Variants in CYBRD1 observed in about 807,000 individuals in gnomAD.
The protein encoded by CYBRD1 is cytochrome b reductase 1, also known as plasma membrane ascorbate-dependent reductase CYBRD1.
In CYBRD1, 14 loss-of-function variants were observed where a neutral mutation model predicts 21.9. That is an observed-to-expected ratio of 0.64 (90% CI 0.42 to 1.00). The LOEUF is 1.00. Ranked by LOEUF, CYBRD1 falls within the 50% of genes least tolerant of loss-of-function variation. The pLI is 0.00. For synonymous variants in CYBRD1, 146 were observed against 136.5 expected (o/e 1.07, Z -0.48); for missense variants, 328 against 352.5 (o/e 0.93, Z 0.56).
chr2:171,545,384 G>GT lies in CYBRD1; in HGVS notation c.402+3603dup, dbSNP rs898353901. Among the ~76,000 whole-genome samples, 140 of 34,874 alleles carry GT rather than the reference G, an allele frequency of 4.0e-3. 2 individuals carry two copies. The highest frequency in any genetic ancestry group is 0.025 in the South Asian group (23 of 918). 22.9% of individuals were successfully genotyped at this position (34,874 alleles called of 152,430 possible). On this transcript the variant is annotated intron_variant, in intron 2 of 3. Transcript: ENST00000321348. Reference sequence around the variant, plus strand: ...CTGCTGAGATGAATATACCTTTTTTGTTTTTTTTTTTTGAGATGGAGTCTT... The same window carrying GT: ...CTGCTGAGATGAATATACCTTTTTTGTTTTTTTTTTTTTGAGATGGAGTCTT...
At chr2:171,535,618 C>T (rs1199348291) in intron 1 of CYBRD1, among the ~76,000 whole-genome samples, 1 of 152,244 alleles carries the variant, frequency 6.6e-6, no homozygotes, top group Non-Finnish European at 1.5e-5. Context: ...ACTGGGAACA[C>T]GGTTGTCTTT....
At chr2:171,547,956 G>T (rs1697741026) in intron 2 of CYBRD1, among the ~76,000 whole-genome samples, 1 of 151,832 alleles carries the variant, frequency 6.6e-6, no homozygotes, top group African/African-American at 2.4e-5. Flanking sequence ...AGATGGCTGA[G>T]CCAGGGTTGG....
intron 3 of CYBRD1, 36 bp downstream of exon 3, chr2:171,553,536 G>A (rs762342107): frequency 1.3e-6 from 2 of 1,573,074 alleles, no homozygotes; most frequent in Admixed American, 3.4e-5. Context: ...TAATACTTAA[G>A]CCACAAAATG....
intron 2 of CYBRD1, among the ~76,000 whole-genome samples, chr2:171,547,100 C>T (rs1192387324): frequency 6.6e-6 from 1 of 152,084 alleles, no homozygotes; most frequent in Non-Finnish European, 1.5e-5. Context: ...CTTTATTGAG[C>T]AGGTGGGTAG....
intron 1 of CYBRD1, among the ~76,000 whole-genome samples, chr2:171,536,408 G>T (rs147100691): frequency 6.3e-4 from 96 of 152,146 alleles, no homozygotes; most frequent in Middle Eastern, 3.4e-3. Context: ...GGGTTCAAGC[G>T]ATCCTCCTGC....
In CYBRD1 at chr2:171,553,378, A is replaced by G. The variant is rs775494355; in HGVS notation, c.435A>G (p.Pro145=). The G allele has an allele frequency of 1.9e-6, 3 of 1,613,654 alleles. No homozygotes were observed. The South Asian group carries it at 3.3e-5, about 18-fold the overall frequency. The stretch of plus-strand genomic sequence containing the variant: ...CAGGTTTTTCAGTCTTTCTGCTTCC[A>G]TGGGCTCCGCTTTCTCTCCGAGCAT... ...LLSGFSVFLL[P]WAPLSLRAFL... The change falls in exon 3 of 4, where the codon CCA becomes CCG. Residue 145 remains proline (P), a synonymous_variant. Coordinates refer to ENST00000321348, the MANE Select transcript of CYBRD1 (RefSeq NM_024843.4).
chr2:171,555,229 G>T lies in CYBRD1; in HGVS notation c.*402G>T. The T allele has an allele frequency of 3.9e-6, 1 of 259,066 alleles. No individual in the cohort carries two copies. The highest frequency in any genetic ancestry group is 7.5e-6 in the Non-Finnish European group (1 of 133,704). 16.0% of individuals were successfully genotyped at this position (259,066 alleles called of 1,614,324 possible). A position where few individuals can be genotyped will look rare whatever the true frequency, so the allele number is the denominator to read the frequency against. ...GGAGACAATGATTTCACAACTAGCG[G>T]GAAGCAGTCCTAAAAGTTTAAAATC... On this transcript the variant is annotated 3_prime_UTR_variant, in exon 4 of 4. Transcript: ENST00000321348.
chr2:171,534,908 G>T lies in CYBRD1; in HGVS notation c.194-6677G>T, dbSNP rs569559636. Among the ~76,000 whole-genome samples the T allele has an allele frequency of 2.0e-5, 3 of 152,294 alleles. No individual in the cohort carries two copies. In the East Asian group the frequency reaches 5.8e-4, roughly 29 times the overall value. On this transcript the variant is annotated intron_variant, in intron 1 of 3. Transcript: ENST00000321348. ...TATAAGCTGTTAGCTGGGTGTAGTG[G>T]CACACACCTGTAATCCCAGTTACAG...
At chr2:171,529,685 T>A (rs1314246682) in intron 1 of CYBRD1, among the ~76,000 whole-genome samples, 2 of 152,132 alleles carry the variant, frequency 1.3e-5, no homozygotes, top group African/African-American at 2.4e-5. Flanking sequence ...GCAGTCATCA[T>A]AGCCCTCAGT....
At chr2:171,530,325 C>G (rs1697446279) in intron 1 of CYBRD1, among the ~76,000 whole-genome samples, 1 of 152,222 alleles carries the variant, frequency 6.6e-6, no homozygotes, top group Admixed American at 6.5e-5. Flanking sequence ...TATCACTGCA[C>G]TCTGGGAAGC....
At chr2:171,543,652 C>T (rs529000101) in intron 2 of CYBRD1, among the ~76,000 whole-genome samples, 1 of 152,092 alleles carries the variant, frequency 6.6e-6, no homozygotes, top group South Asian at 2.1e-4. Flanking sequence ...ATTAATTAAA[C>T]AAGATGTTTA....
At position 171,554,533 on chromosome 2, in the gene CYBRD1, T is replaced by A. The variant is rs1559322085; in HGVS notation, c.567T>A (p.Pro189=). The change falls in exon 4 of 4, where the codon CCT becomes CCA. Residue 189 remains proline (P), a synonymous_variant. Transcript: ENST00000321348. ...TEKLIFSLRD[P]AYSTFPPEGV... is the part of the protein sequence containing the mutation. ...ATCTCTTATTTCATAGGAGAGATCCTGCATACAGTACATTCCCGCCAGAAG... is the reference window on the plus strand; with the variant it reads ...ATCTCTTATTTCATAGGAGAGATCCAGCATACAGTACATTCCCGCCAGAAG... The A allele has an allele frequency of 6.2e-7, 1 of 1,613,970 alleles. No individual in the cohort carries two copies. The highest frequency in any genetic ancestry group is 8.5e-7 in the Non-Finnish European group (1 of 1,179,906).
chr2:171,541,858 T>C (rs1018463917), intron 2 of CYBRD1, 65 bp downstream of exon 2: 25 of 1,251,510 alleles, frequency 2.0e-5, no homozygotes, highest in Non-Finnish European at 5.6e-6. Context: ...AATGTTTTCT[T>C]TTCTTTTTTT....
At chr2:171,524,685 T>C (rs1318783263) in intron 1 of CYBRD1, among the ~76,000 whole-genome samples, 3 of 152,384 alleles carry the variant, frequency 2.0e-5, no homozygotes, top group African/African-American at 7.2e-5. Context: ...AGTGACCTTA[T>C]CGTCAAAGTT....
Position 171,555,358 on chromosome 2 carries a change from C to G in CYBRD1, c.*531C>G, listed in dbSNP as rs1485420170. On this transcript the variant is annotated 3_prime_UTR_variant, in exon 4 of 4. Transcript: ENST00000321348. ...GGAAAGCACCTGGTTCCTTTCTCCCCATGCCTGCCTTCTGCTCCCTCCCCA... is the reference window on the plus strand; with the variant it reads ...GGAAAGCACCTGGTTCCTTTCTCCCGATGCCTGCCTTCTGCTCCCTCCCCA... 3 of 160,588 alleles carry G rather than the reference C, an allele frequency of 1.9e-5. No individual in the cohort carries two copies. The highest frequency in any genetic ancestry group is 7.2e-5 in the African/African-American group (3 of 41,484). 9.9% of individuals were successfully genotyped at this position (160,588 alleles called of 1,614,324 possible).
Position 171,522,720 on chromosome 2 carries a change from G to C in CYBRD1, c.175G>C (p.Val59Leu). 6.2e-7 allele frequency: 1 copy of C among 1,613,512 alleles called. No individual in the cohort carries two copies. Among genetic ancestry groups the C allele is most frequent in the Non-Finnish European group, 8.5e-7 (1 of 1,179,908 alleles). ...WHPVLMVTGF[V>L]FIQGIAIIVY... ...CCCAGTGCTCATGGTCACCGGCTTC[G>C]TCTTCATCCAGGGCATCGGTACTGG... Residue 59 changes from valine (V) to leucine (L), a missense_variant, in exon 1 of 4, where the codon GTC becomes CTC. Val to Leu is a conservative substitution (Grantham distance 32, BLOSUM62 1). Coordinates refer to ENST00000321348, the MANE Select transcript of CYBRD1 (RefSeq NM_024843.4). The surrounding 1 kb of genome is among the most constrained non-coding windows in gnomAD (Gnocchi z 4.3).
rs1241780126 is a variant in CYBRD1 at position 171,556,518 on chromosome 2, A to G, written c.*1691A>G. 3.9e-5 allele frequency: 6 copies of G among 151,928 alleles called. No homozygotes were observed. The highest frequency in any genetic ancestry group is 7.4e-5 in the Non-Finnish European group (5 of 67,984). 9.4% of individuals were successfully genotyped at this position (151,928 alleles called of 1,614,324 possible). ...CTGAAGCATTTTAATATGGGTAGAA[A>G]CTCTACACCAAATACACTAAACATT... is the stretch of plus-strand genomic sequence containing the variant. On this transcript the variant is annotated 3_prime_UTR_variant, in exon 4 of 4. Coordinates refer to ENST00000321348, the MANE Select transcript of CYBRD1 (RefSeq NM_024843.4).
At position 171,553,356 on chromosome 2, in the gene CYBRD1, G is replaced by A. The variant is rs761578508; in HGVS notation, c.413G>A (p.Gly138Asp). The A allele has an allele frequency of 6.2e-7, 1 of 1,613,382 alleles. No individual in the cohort carries two copies. The highest frequency in any genetic ancestry group is 8.5e-7 in the Non-Finnish European group (1 of 1,179,574). The change falls in exon 3 of 4, where the codon GGT (glycine) becomes GAT (aspartate). Residue 138 changes from glycine to aspartate, a missense_variant. Physicochemically the swap from Gly to Asp is moderately conservative, Grantham distance 94. Coordinates refer to ENST00000321348, the MANE Select transcript of CYBRD1 (RefSeq NM_024843.4). ...CTTTTTGGTGTTTAGCTTCTTTCAG[G>A]TTTTTCAGTCTTTCTGCTTCCATGG... Reference protein sequence around the residue: ...VICYLLQLLSGFSVFLLPWAP... With the variant: ...VICYLLQLLSDFSVFLLPWAP...
chr2:171,545,640 C>T (rs1168435343), intron 2 of CYBRD1, among the ~76,000 whole-genome samples: 1 of 151,030 alleles, frequency 6.6e-6, no homozygotes, highest in Non-Finnish European at 1.5e-5. Context: ...CCACCCGCCT[C>T]GGCCTCCCAA....
Sources: allele counts gnomAD v4.1 joint callset (sites outside exome capture counted in the v4.1 genomes callset), GRCh38; gene constraint gnomAD v4.1.1; non-coding constraint Gnocchi (gnomAD v3.1); transcripts MANE v1.5; gene names NCBI Gene and HGNC (gene_info 2026-07-23, HGNC 2026-07-21).